Variants in CFDP1 observed in about 807,000 individuals in gnomAD.
The protein encoded by CFDP1 is heterochromatin-stabilizing protein CFDP1.
CFDP1 carries 31 observed loss-of-function variants against 40.1 expected under a neutral mutation model. That is an observed-to-expected ratio of 0.77 (90% CI 0.58 to 1.04). CFDP1 has a LOEUF of 1.04. CFDP1 is among the 50% of genes least tolerant of loss of function. CFDP1 has a pLI of 0.00. For synonymous variants in CFDP1, 167 were observed against 120.0 expected (o/e 1.39, Z -2.56); for missense variants, 423 against 343.4 (o/e 1.23, Z -1.83).
At chr16:75,358,446 T>A (rs1192829818) in intron 5 of CFDP1, among the ~76,000 whole-genome samples, 1 of 149,098 alleles carries the variant, frequency 6.7e-6, no homozygotes, top group African/African-American at 2.4e-5. Flanking sequence ...AGCAAGTTAT[T>A]AAGTAAAATA....
intron 1 of CFDP1, among the ~76,000 whole-genome samples, chr16:75,428,153 G>A (rs2079363144): frequency 6.7e-6 from 1 of 150,286 alleles, no homozygotes; most frequent in African/African-American, 2.4e-5. Flanking sequence ...TTTTAAGAGG[G>A]TTGACGGCTT....
chr16:75,405,673 C>T (rs2079091107), intron 4 of CFDP1, among the ~76,000 whole-genome samples: 1 of 151,288 alleles, frequency 6.6e-6, no homozygotes, highest in African/African-American at 2.4e-5. Context: ...ACTGCTTGAA[C>T]CAAGGAGGTA....
chr16:75,348,589 A>C (rs2078586551), intron 5 of CFDP1, among the ~76,000 whole-genome samples: 1 of 152,026 alleles, frequency 6.6e-6, no homozygotes, highest in Non-Finnish European at 1.5e-5. Context: ...TTTTTGGCTC[A>C]CTTTATATTT....
At chr16:75,337,001 G>A (rs2078493468) in intron 5 of CFDP1, among the ~76,000 whole-genome samples, 1 of 152,130 alleles carries the variant, frequency 6.6e-6, no homozygotes, top group African/African-American at 2.4e-5. Flanking sequence ...ACCTTGTTTG[G>A]CTCTGAGTTG....
chr16:75,379,333 A>AC (rs2078832730), intron 5 of CFDP1, among the ~76,000 whole-genome samples: 1 of 120,170 alleles, frequency 8.3e-6, no homozygotes, highest in Non-Finnish European at 1.9e-5. Context: ...AGCAAGACTG[A>AC]CCAAAAAAAA....
intron 5 of CFDP1, among the ~76,000 whole-genome samples, chr16:75,329,468 G>C (rs1425320242): frequency 3.3e-5 from 5 of 152,132 alleles, no homozygotes; most frequent in Admixed American, 2.6e-4. Flanking sequence ...AACCAGTTTG[G>C]CTTAATTGAT....
intron 5 of CFDP1, among the ~76,000 whole-genome samples, chr16:75,386,724 C>CA (rs200402350): frequency 9.9e-5 from 15 of 150,790 alleles, no homozygotes; most frequent in East Asian, 5.9e-4. Context: ...GACTCCGTCT[C>CA]AAAAAAAAAG....
intron 5 of CFDP1, among the ~76,000 whole-genome samples, chr16:75,392,037 CAATA>C (rs1296376814): frequency 1.3e-5 from 2 of 152,088 alleles, no homozygotes; most frequent in Non-Finnish European, 2.9e-5. Flanking sequence ...GCAAACAATA[CAATA>C]AATGTAAAGC....
At chr16:75,423,844 C>A (rs1323308978) in intron 1 of CFDP1, among the ~76,000 whole-genome samples, 1 of 152,122 alleles carries the variant, frequency 6.6e-6, no homozygotes, top group Admixed American at 6.6e-5. Context: ...GGATTACAGG[C>A]GTGAGCAACT....
intron 5 of CFDP1, among the ~76,000 whole-genome samples, chr16:75,334,082 C>T (rs2078467731): frequency 6.6e-6 from 1 of 152,002 alleles, no homozygotes; most frequent in African/African-American, 2.4e-5. Flanking sequence ...CTGCCAGAGC[C>T]TCTGTGCAAC....
chr16:75,321,327 T>C (rs1314185863), intron 5 of CFDP1, among the ~76,000 whole-genome samples: 1 of 152,176 alleles, frequency 6.6e-6, no homozygotes, highest in Non-Finnish European at 1.5e-5. Context: ...ATTTCACCTA[T>C]TTAAAATGGT....
At chr16:75,410,055 C>CAAAAAAAAAAAAA (rs150987819) in intron 4 of CFDP1, among the ~76,000 whole-genome samples, 1 of 52,534 alleles carries the variant, frequency 1.9e-5, no homozygotes, top group Non-Finnish European at 3.1e-5. Context: ...GACCCTTTCT[C>CAAAAAAAAAAAAA]AAAAAAAAAA....
intron 5 of CFDP1, among the ~76,000 whole-genome samples, chr16:75,385,646 T>C (rs898168920): frequency 5.9e-5 from 9 of 152,208 alleles, no homozygotes; most frequent in Non-Finnish European, 1.2e-4. Flanking sequence ...CAAGACTCTT[T>C]TACCCAATCT....
intron 5 of CFDP1, among the ~76,000 whole-genome samples, chr16:75,388,971 A>G: frequency 6.6e-6 from 1 of 151,518 alleles, no homozygotes; most frequent in East Asian, 1.9e-4. Flanking sequence ...CTAAAACTAC[A>G]TGGGAAAATG....
chr16:75,412,436 T>C, intron 3 of CFDP1, 99 bp downstream of exon 3: 1 of 890,840 alleles, frequency 1.1e-6, no homozygotes. Context: ...TTAGTACAAT[T>C]GTTATCAAAA....
chr16:75,371,746 C>T (rs903869922), intron 5 of CFDP1, among the ~76,000 whole-genome samples: 3 of 152,114 alleles, frequency 2.0e-5, no homozygotes, highest in Admixed American at 2.0e-4. Flanking sequence ...GGTGTATTCT[C>T]CTCCAACTCA....
At chr16:75,352,550 A>C (rs1342507765) in intron 5 of CFDP1, among the ~76,000 whole-genome samples, 3 of 152,230 alleles carry the variant, frequency 2.0e-5, no homozygotes, top group African/African-American at 7.2e-5. Context: ...TATCATAATC[A>C]TAAGTGTATC....
intron 5 of CFDP1, among the ~76,000 whole-genome samples, chr16:75,382,871 T>C (rs183789373): frequency 6.6e-6 from 1 of 152,304 alleles, no homozygotes; most frequent in Admixed American, 6.5e-5. Flanking sequence ...AGGCACATCA[T>C]CTCACAAGCA....
At chr16:75,332,525 G>A (rs888409499) in intron 5 of CFDP1, among the ~76,000 whole-genome samples, 6 of 151,502 alleles carry the variant, frequency 4.0e-5, no homozygotes, top group African/African-American at 7.3e-5. Flanking sequence ...ACAGTAGCTC[G>A]ATGTGGTGGT....
Sources: gnomAD v4.1 joint callset for allele counts (sites outside exome capture counted in the v4.1 genomes callset) on GRCh38, gnomAD v4.1.1 for gene constraint, MANE v1.5 for transcripts, NCBI Gene and HGNC (gene_info 2026-07-23, HGNC 2026-07-21) for gene names.